The following GNL1 variants were observed in gnomAD, a reference collection of about 807,000 sequenced individuals.
The protein encoded by GNL1 is G protein nucleolar 1.
Under a neutral mutation model 75.2 loss-of-function variants are expected in GNL1, and 21 were observed. That is an observed-to-expected ratio of 0.28 (90% CI 0.20 to 0.40). GNL1 has a LOEUF of 0.40. Ranked by LOEUF, GNL1 falls within the 10% of genes least tolerant of loss-of-function variation. The pLI is 1.00. For synonymous variants in GNL1, 287 were observed against 303.4 expected (o/e 0.95, Z 0.56); for missense variants, 579 against 775.0 (o/e 0.75, Z 3.00).
chr6:30,553,247 G>A (rs563460637), intron 6 of GNL1, 68 bp from the exon 7 acceptor site: 1 of 1,442,642 alleles, frequency 6.9e-7, no homozygotes, highest in South Asian at 1.2e-5. Flanking sequence ...ACCACCCTTA[G>A]GCCCAAGACC....
At position 30,547,923 on chromosome 6, in the gene GNL1, G is replaced by A. The variant is rs559520232; in HGVS notation, c.1100-393C>T. ...AGTGGCTCACGCTTGTAATCCCAGC[G>A]TGATTACTTTGGGAGGCCAAGGCGG... On this transcript the variant is annotated intron_variant, in intron 8 of 11. Coordinates refer to ENST00000376621, the MANE Select transcript of GNL1 (RefSeq NM_005275.5). The surrounding 1 kb of genome is among the most constrained non-coding windows in gnomAD (Gnocchi z 5.5). 1.1e-4 allele frequency: 22 copies of A among 195,886 alleles called. No individual in the cohort carries two copies. Among genetic ancestry groups the A allele is most frequent in the Middle Eastern group, 1.9e-3 (1 of 532 alleles). 12.1% of individuals were successfully genotyped at this position (195,886 alleles called of 1,614,324 possible).
In GNL1 at chr6:30,545,958, A is replaced by G; in HGVS notation, c.*114T>C. 1 of 758,108 alleles carries G rather than the reference A, an allele frequency of 1.3e-6. No individual in the cohort carries two copies. Among genetic ancestry groups the G allele is most frequent in the East Asian group, 2.9e-5 (1 of 34,842 alleles). 47.0% of individuals were successfully genotyped at this position (758,108 alleles called of 1,614,324 possible). ...GCTCTCACCTCAGTTCATCTGGGGA[A>G]GGGGCTACAAAGCAAACAATCTTTA... On this transcript the variant is annotated 3_prime_UTR_variant, in exon 12 of 12. Transcript: ENST00000376621.
At position 30,545,853 on chromosome 6, in the gene GNL1, T is replaced by C. The variant is rs1049112390; in HGVS notation, c.*219A>G. On this transcript the variant is annotated 3_prime_UTR_variant, in exon 12 of 12. Transcript: ENST00000376621. The stretch of plus-strand genomic sequence containing the variant: ...GAACCTACTAAACTCCTAAGAGAAC[T>C]TTCCCTTGCAAAGAGAATGCATGAA... 1.2e-4 allele frequency: 67 copies of C among 545,894 alleles called. No individual in the cohort carries two copies. The highest frequency in any genetic ancestry group is 1.5e-4 in the Non-Finnish European group (48 of 316,180). 33.8% of individuals were successfully genotyped at this position (545,894 alleles called of 1,614,324 possible).
In GNL1 at chr6:30,552,925, C is replaced by T. The variant is rs1301654224; in HGVS notation, c.904+159G>A. Among the ~76,000 whole-genome samples the T allele has an allele frequency of 6.6e-6, 1 of 152,230 alleles. No homozygotes were observed. Among genetic ancestry groups the T allele is most frequent in the Non-Finnish European group, 1.5e-5 (1 of 68,046 alleles). On this transcript the variant is annotated intron_variant, in intron 7 of 11. Transcript: ENST00000376621. The surrounding 1 kb of genome is among the most constrained non-coding windows in gnomAD (Gnocchi z 4.5). ...AGGCTCCTGACTACCTGCTGCCTCT[C>T]GTCCCACCAAGTCAGTCTGCTCCTT...
rs770793208 is a variant in GNL1 at position 30,556,138 on chromosome 6, C to T, written c.66G>A (p.Arg22=). Residue 22 remains arginine (R), a synonymous_variant, in exon 1 of 12, where the codon CGG becomes CGA. Coordinates refer to ENST00000376621, the MANE Select transcript of GNL1 (RefSeq NM_005275.5). This position sits in a 1 kb window ranked among gnomAD's most constrained non-coding sequence, Gnocchi z 5.7. The part of the protein sequence containing the change: ...KKKQLQDKRE[R]KRGLQDGLRS... ...TCCCGCTCCCGCACTGACCTCTCTT[C>T]CGCTCCCGTTTGTCCTGCAACTGCT... is the stretch of plus-strand genomic sequence containing the variant. The T allele has an allele frequency of 1.2e-6, 2 of 1,603,294 alleles. No individual in the cohort carries two copies. Among genetic ancestry groups the T allele is most frequent in the East Asian group, 2.2e-5 (1 of 44,858 alleles).
chr6:30,551,157 A>C (rs1198220696), intron 8 of GNL1, among the ~76,000 whole-genome samples: 1 of 152,174 alleles, frequency 6.6e-6, no homozygotes, highest in Non-Finnish European at 1.5e-5. Flanking sequence ...TGAGAGCTGG[A>C]GGGAAATCCA....
At position 30,546,343 on chromosome 6, in the gene GNL1, G is replaced by C; in HGVS notation, c.1583-30C>G. ...GGAACCAAAACAAGAAAAAAATGGA[G>C]GAGAGTTTTGAGCAAGAACTAAAGC... On this transcript the variant is annotated intron_variant, in intron 11 of 11. Coordinates refer to ENST00000376621, the MANE Select transcript of GNL1 (RefSeq NM_005275.5). The surrounding 1 kb of genome is among the most constrained non-coding windows in gnomAD (Gnocchi z 5.1). The C allele has an allele frequency of 6.9e-7, 1 of 1,452,880 alleles. No individual in the cohort carries two copies. The highest frequency in any genetic ancestry group is 1.7e-4 in the Middle Eastern group (1 of 5,768). 90.0% of individuals were successfully genotyped at this position (1,452,880 alleles called of 1,614,324 possible).
At position 30,546,143 on chromosome 6, in the gene GNL1, G is replaced by C. The variant is rs564316650; in HGVS notation, c.1753C>G (p.Pro585Ala). 1 of 1,568,972 alleles carries C rather than the reference G, an allele frequency of 6.4e-7. No individual in the cohort carries two copies. Among genetic ancestry groups the C allele is most frequent in the African/African-American group, 1.4e-5 (1 of 73,912 alleles). ...DEEGEGDEET[P>A]TSAPGSSLAG... Reference sequence around the variant, plus strand: ...AGGCTGGACCCTGGAGCCGAGGTTGGGGTCTCCTCATCCCCTTCTCCCTCC... The same window carrying C: ...AGGCTGGACCCTGGAGCCGAGGTTGCGGTCTCCTCATCCCCTTCTCCCTCC... The change falls in exon 12 of 12, where the codon CCA (proline) becomes GCA (alanine). Residue 585 changes from proline to alanine, a missense_variant. Pro to Ala is a conservative substitution (Grantham distance 27, BLOSUM62 -1). Coordinates refer to ENST00000376621, the MANE Select transcript of GNL1 (RefSeq NM_005275.5). The surrounding 1 kb of genome is among the most constrained non-coding windows in gnomAD (Gnocchi z 5.1).
At chr6:30,551,555 T>C (rs1019433790) in intron 8 of GNL1, among the ~76,000 whole-genome samples, 11 of 152,136 alleles carry the variant, frequency 7.2e-5, no homozygotes, top group Admixed American at 2.0e-4. Context: ...GTCCTAATCA[T>C]ACATTCCTTT....
rs1192713319 is a variant in GNL1 at position 30,552,966 on chromosome 6, C to T, written c.904+118G>A. ...TCTGCTCCTTATTCTGTCCCTTCCC[C>T]TGGCCTCTTGCACATATCCACCATA... is the stretch of plus-strand genomic sequence containing the variant. On this transcript the variant is annotated intron_variant, in intron 7 of 11. Transcript: ENST00000376621. The surrounding 1 kb of genome is among the most constrained non-coding windows in gnomAD (Gnocchi z 4.5). 2.1e-5 allele frequency: 16 copies of T among 762,800 alleles called. No individual in the cohort carries two copies. The South Asian group carries it at 2.7e-4, about 13-fold the overall frequency. 47.3% of individuals were successfully genotyped at this position (762,800 alleles called of 1,614,324 possible). A position where few individuals can be genotyped will look rare whatever the true frequency, so the allele number is the denominator to read the frequency against.
Position 30,546,618 on chromosome 6 carries a change from C to A in GNL1, c.1582+78G>T. On this transcript the variant is annotated intron_variant, in intron 11 of 11. Transcript: ENST00000376621. The surrounding 1 kb of genome is among the most constrained non-coding windows in gnomAD (Gnocchi z 5.1). Reference sequence around the variant, plus strand: ...AACAGGTACAGAATCCAGGTTTGACCCTCTCTCTGGCCACAAAGCCCACAC... The same window carrying A: ...AACAGGTACAGAATCCAGGTTTGACACTCTCTCTGGCCACAAAGCCCACAC... 1 of 1,216,614 alleles carries A rather than the reference C, an allele frequency of 8.2e-7. No homozygotes were observed. 75.4% of individuals were successfully genotyped at this position (1,216,614 alleles called of 1,614,324 possible).
rs1196447570 is a variant in GNL1 at position 30,555,542 on chromosome 6, C to T, written c.239+13G>A. ...GCGGGAAAGCCGGGACCAGCGCCCCCTCCCACCCTCACCGATTTGGGTCGT... is the reference window on the plus strand; with the variant it reads ...GCGGGAAAGCCGGGACCAGCGCCCCTTCCCACCCTCACCGATTTGGGTCGT... On this transcript the variant is annotated intron_variant, in intron 2 of 11. Coordinates refer to ENST00000376621, the MANE Select transcript of GNL1 (RefSeq NM_005275.5). This position sits in a 1 kb window ranked among gnomAD's most constrained non-coding sequence, Gnocchi z 4.3. The T allele has an allele frequency of 6.2e-7, 1 of 1,610,162 alleles. No homozygotes were observed. Among genetic ancestry groups the T allele is most frequent in the Non-Finnish European group, 8.5e-7 (1 of 1,177,350 alleles).
intron 5 of GNL1, among the ~76,000 whole-genome samples, chr6:30,553,837 G>A (rs543722287): frequency 6.6e-6 from 1 of 152,366 alleles, no homozygotes; most frequent in East Asian, 1.9e-4. Context: ...GGTAAAGGCT[G>A]GGATCGGAAA....
chr6:30,552,722 A>AG lies in GNL1; in HGVS notation c.905-62_905-61insC. The AG allele has an allele frequency of 8.2e-6, 12 of 1,470,822 alleles. No individual in the cohort carries two copies. The highest frequency in any genetic ancestry group is 1.4e-5 in the African/African-American group (1 of 72,230). 91.1% of individuals were successfully genotyped at this position (1,470,822 alleles called of 1,614,324 possible). On this transcript the variant is annotated intron_variant, in intron 7 of 11. Coordinates refer to ENST00000376621, the MANE Select transcript of GNL1 (RefSeq NM_005275.5). This position sits in a 1 kb window ranked among gnomAD's most constrained non-coding sequence, Gnocchi z 4.5. ...CCAGGGCTGCTGTGCATGATGGCAC[A>AG]TACTGTGCCCTGCACAGATTATGTA...
At chr6:30,553,298 G>C in intron 6 of GNL1, 52 bp downstream of exon 6, 1 of 1,511,278 alleles carries the variant, frequency 6.6e-7, no homozygotes, top group Non-Finnish European at 9.2e-7. Flanking sequence ...TCTCCCCTTT[G>C]TCCCCTGCCA....
Position 30,555,638 on chromosome 6 carries a change from G to A in GNL1, c.156C>T (p.Asp52=), listed in dbSNP as rs1800109257. The A allele has an allele frequency of 1.2e-6, 2 of 1,613,990 alleles. No homozygotes were observed. The highest frequency in any genetic ancestry group is 1.7e-5 in the Admixed American group (1 of 60,028). Residue 52 remains aspartate, a synonymous_variant, in exon 2 of 12, where the codon GAC becomes GAT. Coordinates refer to ENST00000376621, the MANE Select transcript of GNL1 (RefSeq NM_005275.5). The surrounding 1 kb of genome is among the most constrained non-coding windows in gnomAD (Gnocchi z 4.3). ...GGATATGATGGGTCACAGACTCCCC[G>A]TCCGAGGTGTCGGTCTGTTCCTCTC... The part of the protein sequence containing the change: ...ERREEQTDTS[D]GESVTHHIRR...
rs1799513189 is a variant in GNL1, at chr6:30,547,306, A to T, written c.1279-32T>A. 1 of 1,581,188 alleles carries T rather than the reference A, an allele frequency of 6.3e-7. No homozygotes were observed. The highest frequency in any genetic ancestry group is 2.2e-5 in the East Asian group (1 of 44,546). On this transcript the variant is annotated intron_variant, in intron 9 of 11. Transcript: ENST00000376621. The surrounding 1 kb of genome is among the most constrained non-coding windows in gnomAD (Gnocchi z 5.5). ...GAAATGAGCACTCAGTACTTTCCTC[A>T]ATGTCCCACCTTCTCTCTTTCCCTT...
chr6:30,553,265 C>G, intron 6 of GNL1, 85 bp downstream of exon 6: 1 of 1,442,906 alleles, frequency 6.9e-7, no homozygotes, highest in South Asian at 1.1e-5. Context: ...ACCAGGTGCC[C>G]CCTTGTCAAT....
Position 30,546,161 on chromosome 6 carries a change from C to T in GNL1, c.1735G>A (p.Glu579Lys). The change falls in exon 12 of 12, where the codon GAA (glutamate) becomes AAA (lysine). Residue 579 changes from glutamate (E) to lysine (K), a missense_variant. Coordinates refer to ENST00000376621, the MANE Select transcript of GNL1 (RefSeq NM_005275.5). The surrounding 1 kb of genome is among the most constrained non-coding windows in gnomAD (Gnocchi z 5.1). ...GAGGTTGGGGTCTCCTCATCCCCTT[C>T]TCCCTCCTCATCCGCATCCCGGTCC... The part of the protein sequence containing the change: ...EEDRDADEEG[E>K]GDEETPTSAP... 6.4e-7 allele frequency: 1 copy of T among 1,563,754 alleles called. No individual in the cohort carries two copies. The highest frequency in any genetic ancestry group is 8.7e-7 in the Non-Finnish European group (1 of 1,153,040).
Sources: gnomAD v4.1 joint callset for allele counts (sites outside exome capture counted in the v4.1 genomes callset) on GRCh38, gnomAD v4.1.1 for gene constraint, Gnocchi (gnomAD v3.1) non-coding constraint, MANE v1.5 for transcripts, NCBI Gene and HGNC (gene_info 2026-07-23, HGNC 2026-07-21) for gene names.